PPP1R21: variants seen among roughly 807,000 people sequenced by gnomAD.
PPP1R21 encodes the protein KLRAQ motif containing 1.
PPP1R21 carries 85 observed loss-of-function variants against 112.8 expected under a neutral mutation model. That is an observed-to-expected ratio of 0.75 (90% CI 0.63 to 0.90). The LOEUF (loss-of-function observed/expected upper bound fraction) is 0.90, where lower values mean the gene tolerates loss of function less well. PPP1R21 is among the 40% of genes least tolerant of loss of function. The pLI is 0.00. For missense variants in PPP1R21, 1,199 were observed against 901.5 expected (o/e 1.33, Z -4.23); for synonymous variants, 381 against 322.3 (o/e 1.18, Z -1.95).
chr2:48,492,806 A>G (rs1198349449), intron 15 of PPP1R21, among the ~76,000 whole-genome samples: 1 of 152,192 alleles, frequency 6.6e-6, no homozygotes, highest in African/African-American at 2.4e-5. Context: ...TTTCCAGACT[A>G]TACTTCAGGA....
chr2:48,491,158 G>A lies in PPP1R21; in HGVS notation c.1587G>A (p.Lys529=). 6.2e-7 allele frequency: 1 copy of A among 1,611,426 alleles called. No individual in the cohort carries two copies. Among genetic ancestry groups the A allele is most frequent in the South Asian group, 1.1e-5 (1 of 90,246 alleles). Residue 529 remains lysine, a synonymous_variant, in exon 15 of 22, where the codon AAG becomes AAA. Coordinates refer to ENST00000294952, the MANE Select transcript of PPP1R21 (RefSeq NM_001135629.3). ...QYKKKAAAYM[K]SLRKPLLESV... is the part of the protein sequence containing the mutation. ...AGAAAAAAGCTGCTGCCTATATGAA[G>A]TCTTTGAGAAAGGTTTGTTAGCTGC...
chr2:48,511,316 T>A, intron 20 of PPP1R21, 24 bp from the exon 21 acceptor site: 1 of 1,601,886 alleles, frequency 6.2e-7, no homozygotes, highest in Non-Finnish European at 8.5e-7. Context: ...GATGTTGATT[T>A]TTGTCTTTTT....
chr2:48,471,027 A>T (rs1428911580), intron 9 of PPP1R21, 60 bp from the exon 10 acceptor site: 12 of 1,168,614 alleles, frequency 1.0e-5, no homozygotes, highest in Non-Finnish European at 1.5e-5. Context: ...CCATTTAGAA[A>T]TGTGTTGATG....
At position 48,482,645 on chromosome 2, in the gene PPP1R21, GT is replaced by G. The variant is rs200292830; in HGVS notation, c.1318+2647del. On this transcript the variant is annotated intron_variant, in intron 13 of 21. Transcript: ENST00000294952. ...GATTAGCATTTAAAATAAAGACACT[GT>G]TTTTTTTTTTTTTTTTTAGGATGTC... Among the ~76,000 whole-genome samples, 555 of 126,530 alleles carry G rather than the reference GT, an allele frequency of 4.4e-3. 1 individual carries two copies. The highest frequency in any genetic ancestry group is 9.0e-3 in the Admixed American group (115 of 12,710). The allele number at this position is 126,530 out of a possible 152,430, so 83.0% of individuals were successfully genotyped here.
At chr2:48,507,459 A>C (rs76955615) in intron 19 of PPP1R21, 74 bp downstream of exon 19, 163,757 of 1,548,796 alleles carry the variant, frequency 0.11, 9,664 homozygotes, top group Non-Finnish European at 0.12. Context: ...TCCTGTTTTC[A>C]TGCTGTTCAC....
intron 19 of PPP1R21, 112 bp from the exon 20 acceptor site, chr2:48,509,903 G>T: frequency 1.6e-6 from 1 of 632,716 alleles, no homozygotes; most frequent in South Asian, 2.3e-5. Context: ...GATTATTTGT[G>T]GAATGAATGA....
intron 18 of PPP1R21, among the ~76,000 whole-genome samples, chr2:48,506,714 G>A (rs1670394824): frequency 6.6e-6 from 1 of 152,154 alleles, no homozygotes; most frequent in East Asian, 1.9e-4. Context: ...GGGAGGCCAA[G>A]GCAGGCGGAT....
intron 7 of PPP1R21, among the ~76,000 whole-genome samples, chr2:48,463,160 A>T (rs143181967): frequency 9.2e-5 from 14 of 152,330 alleles, no homozygotes; most frequent in African/African-American, 3.4e-4. Context: ...TGTCAACACT[A>T]TTGGGCTGGA....
chr2:48,463,544 T>G (rs528795607), intron 7 of PPP1R21, among the ~76,000 whole-genome samples: 4 of 151,724 alleles, frequency 2.6e-5, no homozygotes, highest in African/African-American at 9.7e-5. Flanking sequence ...GCAGTGGGAA[T>G]GAAGGAAATG....
At chr2:48,488,682 C>T (rs964069885) in intron 14 of PPP1R21, among the ~76,000 whole-genome samples, 1 of 152,140 alleles carries the variant, frequency 6.6e-6, no homozygotes, top group Non-Finnish European at 1.5e-5. Context: ...AATGTCATCT[C>T]AAGGAAAGAT....
rs1667392879 is a variant in PPP1R21, at chr2:48,449,675, T to A, written c.58-1333T>A. On this transcript the variant is annotated intron_variant, in intron 1 of 21. Coordinates refer to ENST00000294952, the MANE Select transcript of PPP1R21 (RefSeq NM_001135629.3). The stretch of plus-strand genomic sequence containing the variant: ...TCTTTTGGCACAGAAAAGGGTCATT[T>A]CTGTTCTGTGTTCTCAGGAGACAGA... 5.9e-5 allele frequency among the ~76,000 whole-genome samples: 9 copies of A among 152,306 alleles called. 2 individuals carry two copies. The South Asian group carries it at 1.9e-3, about 32-fold the overall frequency.
intron 1 of PPP1R21, among the ~76,000 whole-genome samples, chr2:48,446,348 G>A (rs1020484554): frequency 6.6e-5 from 10 of 152,184 alleles, no homozygotes; most frequent in Non-Finnish European, 1.3e-4. Context: ...AGAAACAGCT[G>A]TGTGATAGGC....
intron 1 of PPP1R21, among the ~76,000 whole-genome samples, chr2:48,448,157 A>G (rs1358587235): frequency 6.6e-6 from 1 of 152,208 alleles, no homozygotes; most frequent in Non-Finnish European, 1.5e-5. Context: ...TCTACCTACT[A>G]AGTAATAGAA....
intron 14 of PPP1R21, 64 bp downstream of exon 14, chr2:48,486,822 C>G: frequency 1.3e-6 from 2 of 1,533,708 alleles, no homozygotes; most frequent in Non-Finnish European, 1.8e-6. Context: ...TTCTGAGGGA[C>G]ATAGGAAAAT....
chr2:48,463,631 G>A (rs965097382), intron 7 of PPP1R21, among the ~76,000 whole-genome samples: 3 of 152,124 alleles, frequency 2.0e-5, no homozygotes, highest in African/African-American at 7.2e-5. Context: ...AGAATTAAGT[G>A]TGATTAAGTA....
intron 9 of PPP1R21, among the ~76,000 whole-genome samples, chr2:48,469,567 C>CATATATATATATATAGAGAGAGAGAGCAT (rs1558458241): frequency 1.7e-4 from 15 of 87,124 alleles, no homozygotes; most frequent in Non-Finnish European, 1.4e-4. Flanking sequence ...AGAGAGAGAG[C>CATATATATATATATAGAGAGAGAGAGCAT]ATATATATAT....
intron 1 of PPP1R21, among the ~76,000 whole-genome samples, chr2:48,450,089 A>G (rs543273441): frequency 2.6e-5 from 4 of 152,300 alleles, no homozygotes; most frequent in Admixed American, 6.5e-5. Flanking sequence ...ATTTCTCAGT[A>G]TTTAATAATT....
intron 2 of PPP1R21, among the ~76,000 whole-genome samples, chr2:48,451,525 T>A (rs1315073742): frequency 6.6e-6 from 1 of 152,218 alleles, no homozygotes; most frequent in Non-Finnish European, 1.5e-5. Flanking sequence ...TTGAGTTATT[T>A]AATAGTAATA....
intron 21 of PPP1R21, among the ~76,000 whole-genome samples, chr2:48,512,067 A>T (rs1670667291): frequency 6.6e-6 from 1 of 152,184 alleles, no homozygotes; most frequent in South Asian, 2.1e-4. Context: ...GGACTCACAA[A>T]GGGCTTTAGG....
Sources: allele counts gnomAD v4.1 joint callset (sites outside exome capture counted in the v4.1 genomes callset), GRCh38; gene constraint gnomAD v4.1.1; transcripts MANE v1.5; gene names NCBI Gene and HGNC (gene_info 2026-07-23, HGNC 2026-07-21).